Variants in ATP8A2 observed in about 807,000 individuals in gnomAD.
ATP8A2 encodes phospholipid-transporting ATPase IB.
In ATP8A2, 100 loss-of-function variants were observed where a neutral mutation model predicts 165.6. That is an observed-to-expected ratio of 0.60 (90% CI 0.51 to 0.71). The LOEUF (loss-of-function observed/expected upper bound fraction) is 0.71, where lower values mean the gene tolerates loss of function less well. ATP8A2 is among the 30% of genes least tolerant of loss of function. ATP8A2 has a pLI of 0.00. For missense variants in ATP8A2, 1,227 were observed against 1,479.5 expected (o/e 0.83, Z 2.80); for synonymous variants, 543 against 548.8 (o/e 0.99, Z 0.15).
chr13:25,546,160 A>G (rs375349521), intron 10 of ATP8A2, among the ~76,000 whole-genome samples: 1 of 152,172 alleles, frequency 6.6e-6, no homozygotes, highest in Non-Finnish European at 1.5e-5. Context: ...ACATGAGTTA[A>G]TTAAACTATC....
chr13:25,767,041 A>T (rs1428011882), intron 25 of ATP8A2, among the ~76,000 whole-genome samples: 3 of 152,192 alleles, frequency 2.0e-5, no homozygotes, highest in Non-Finnish European at 4.4e-5. Context: ...GGAAAATGTC[A>T]TACTCAGGCC....
At chr13:26,004,068 AT>A (rs1278129787) in intron 35 of ATP8A2, among the ~76,000 whole-genome samples, 1 of 152,076 alleles carries the variant, frequency 6.6e-6, no homozygotes, top group African/African-American at 2.4e-5. Flanking sequence ...TGACATTGCC[AT>A]TTTGATAGGG....
chr13:25,569,986 T>C (rs1173386746), intron 16 of ATP8A2, among the ~76,000 whole-genome samples: 1 of 152,188 alleles, frequency 6.6e-6, no homozygotes. Context: ...GACACACTTT[T>C]CTTAGATGGG....
intron 25 of ATP8A2, among the ~76,000 whole-genome samples, chr13:25,751,359 AC>A (rs1386226141): frequency 6.6e-6 from 1 of 152,260 alleles, no homozygotes; most frequent in Non-Finnish European, 1.5e-5. Flanking sequence ...ATGTAGCATC[AC>A]TGAAATGGCT....
At chr13:25,817,047 C>T (rs1196098148) in intron 27 of ATP8A2, among the ~76,000 whole-genome samples, 1 of 152,104 alleles carries the variant, frequency 6.6e-6, no homozygotes, top group East Asian at 1.9e-4. Context: ...ATAATAGACC[C>T]CCTGCCACTG....
intron 33 of ATP8A2, among the ~76,000 whole-genome samples, chr13:25,900,754 G>A (rs1953716446): frequency 6.6e-6 from 1 of 152,168 alleles, no homozygotes; most frequent in Non-Finnish European, 1.5e-5. Context: ...AAAGACCTGG[G>A]AGAGAGAAGT....
rs1237186279 is a variant in ATP8A2, at chr13:25,905,297, C to G, written c.3183+42889C>G. On this transcript the variant is annotated intron_variant, in intron 33 of 36. Transcript: ENST00000381655. ...TTCTAAGTGACATCTCTTATACACT[C>G]ATTTCTAAAACGATAAGTTTTTCTC... Among the ~76,000 whole-genome samples, 3 of 152,264 alleles carry G rather than the reference C, an allele frequency of 2.0e-5. No homozygotes were observed. The East Asian group carries it at 5.8e-4, about 29-fold the overall frequency.
At position 25,656,437 on chromosome 13, in the gene ATP8A2, G is replaced by T. The variant is rs140386122; in HGVS notation, c.2212-42736G>T. ...ATTACAGGTGTGTGCCATGATGCCC[G>T]GCTAATTTTTGTATTTTTAATAGAG... is the stretch of plus-strand genomic sequence containing the variant. On this transcript the variant is annotated intron_variant, in intron 24 of 36. Transcript: ENST00000381655. 5.2e-3 allele frequency among the ~76,000 whole-genome samples: 785 copies of T among 151,682 alleles called. 5 individuals are homozygous for T. Among genetic ancestry groups the T allele is most frequent in the African/African-American group, 0.018 (752 of 41,352 alleles).
At chr13:25,394,872 A>G (rs982757877) in intron 1 of ATP8A2, among the ~76,000 whole-genome samples, 1 of 152,218 alleles carries the variant, frequency 6.6e-6, no homozygotes, top group Non-Finnish European at 1.5e-5. Context: ...TGGAGCCTGC[A>G]TGACAAGCCT....
chr13:25,869,670 A>G (rs1952622543), intron 33 of ATP8A2, among the ~76,000 whole-genome samples: 1 of 152,218 alleles, frequency 6.6e-6, no homozygotes, highest in African/African-American at 2.4e-5. Context: ...TTATTGAACA[A>G]TTGAGATGAG....
At chr13:25,719,622 T>G (rs2043331091) in intron 25 of ATP8A2, among the ~76,000 whole-genome samples, 1 of 152,212 alleles carries the variant, frequency 6.6e-6, no homozygotes, top group Admixed American at 6.5e-5. Flanking sequence ...ATTCAATCAT[T>G]TAACATCCAT....
In ATP8A2 at chr13:25,768,988, A is replaced by AATG; in HGVS notation, c.2385-58_2385-57insATG. 5 of 1,487,188 alleles carry AATG rather than the reference A, an allele frequency of 3.4e-6. No homozygotes were observed. In the Admixed American group the frequency reaches 8.4e-5, roughly 25 times the overall value. The allele number at this position is 1,487,188 out of a possible 1,614,324, so 92.1% of individuals were successfully genotyped here. A position where few individuals can be genotyped will look rare whatever the true frequency, so the allele number is the denominator to read the frequency against. ...CTTTTAATGCAGCGGAATGTAGATTACAGCTGTTTCCTCTGGAAAGACATG... is the reference window on the plus strand; with the variant it reads ...CTTTTAATGCAGCGGAATGTAGATTAATGCAGCTGTTTCCTCTGGAAAGACATG... On this transcript the variant is annotated intron_variant, in intron 25 of 36. Transcript: ENST00000381655.
At chr13:25,864,568 G>A (rs1169925823) in intron 33 of ATP8A2, among the ~76,000 whole-genome samples, 1 of 152,240 alleles carries the variant, frequency 6.6e-6, no homozygotes, top group Non-Finnish European at 1.5e-5. Context: ...CAGAACTTTA[G>A]TGAGTTGTTT....
At position 25,726,507 on chromosome 13, in the gene ATP8A2, T is replaced by C. The variant is rs140802213; in HGVS notation, c.2384+27162T>C. Reference sequence around the variant, plus strand: ...GATTCTGATGGCTTTTTAAAAATGATAAATTCCTCGGCTTGTGGCCCCTTC... The same window carrying C: ...GATTCTGATGGCTTTTTAAAAATGACAAATTCCTCGGCTTGTGGCCCCTTC... On this transcript the variant is annotated intron_variant, in intron 25 of 36. Coordinates refer to ENST00000381655, the MANE Select transcript of ATP8A2 (RefSeq NM_016529.6). 2.0e-5 allele frequency among the ~76,000 whole-genome samples: 3 copies of C among 152,338 alleles called. No individual in the cohort carries two copies. In the East Asian group the frequency reaches 5.8e-4, roughly 29 times the overall value.
chr13:25,956,245 A>G (rs952514998), intron 33 of ATP8A2, among the ~76,000 whole-genome samples: 1 of 152,218 alleles, frequency 6.6e-6, no homozygotes, highest in South Asian at 2.1e-4. Flanking sequence ...CTCCTATTTG[A>G]CGTAGTATTG....
chr13:25,531,445 TTATATA>T (rs976645726), intron 4 of ATP8A2, among the ~76,000 whole-genome samples: 5 of 49,598 alleles, frequency 1.0e-4, no homozygotes, highest in Admixed American at 1.8e-4. Flanking sequence ...ATATATATGA[TTATATA>T]TATGATTATA....
intron 19 of ATP8A2, among the ~76,000 whole-genome samples, chr13:25,575,472 C>T (rs774244357): frequency 2.6e-5 from 4 of 152,170 alleles, no homozygotes; most frequent in Admixed American, 2.0e-4. Context: ...CTCTTTTTAA[C>T]ATGGAATTGT....
intron 33 of ATP8A2, among the ~76,000 whole-genome samples, chr13:25,927,551 T>TA (rs1372100994): frequency 6.6e-6 from 1 of 152,234 alleles, no homozygotes; most frequent in African/African-American, 2.4e-5. Flanking sequence ...TGCTGAGAAA[T>TA]ACGTGTCTCC....
intron 24 of ATP8A2, among the ~76,000 whole-genome samples, chr13:25,696,544 G>A (rs879759091): frequency 2.6e-5 from 4 of 152,194 alleles, no homozygotes; most frequent in African/African-American, 7.2e-5. Context: ...CCTCGTCAGC[G>A]CTTACTGCCT....
Sources: allele counts gnomAD v4.1 joint callset (sites outside exome capture counted in the v4.1 genomes callset), GRCh38; gene constraint gnomAD v4.1.1; transcripts MANE v1.5; gene names NCBI Gene and HGNC (gene_info 2026-07-23, HGNC 2026-07-21).